PCDH15: variants seen among roughly 807,000 people sequenced by gnomAD.
PCDH15 encodes the protein protocadherin-15.
A neutral mutation model predicts 178.5 loss-of-function variants in PCDH15; 129 were observed. The observed-to-expected ratio is 0.72, with a 90% CI of 0.63 to 0.84. PCDH15 has a LOEUF of 0.84. Ranked by LOEUF, PCDH15 falls within the 40% of genes least tolerant of loss-of-function variation. The pLI, the probability that PCDH15 is intolerant of heterozygous loss-of-function variation, is 0.00. For missense variants in PCDH15, 2,230 were observed against 2,099.9 expected, an observed-to-expected ratio of 1.06 and a Z score of -1.21; for synonymous variants, 800 against 732.0, an observed-to-expected ratio of 1.09 and a Z score of -1.50.
chr10:54,592,300 C>CT (rs953065630), intron 2 of PCDH15, among the ~76,000 whole-genome samples: 1 of 151,626 alleles, frequency 6.6e-6, no homozygotes, highest in Non-Finnish European at 1.5e-5. Context: ...CTCCTGTCCC[C>CT]TCCCCTCCCT....
chr10:54,843,253 A>C (rs1041084485), intron 3 of PCDH15, among the ~76,000 whole-genome samples: 2 of 151,948 alleles, frequency 1.3e-5, no homozygotes, highest in African/African-American at 4.8e-5. Context: ...TGGCATGGAA[A>C]ATAATTGGCA....
intron 2 of PCDH15, among the ~76,000 whole-genome samples, chr10:55,439,494 A>G (rs1418393947): frequency 6.6e-6 from 1 of 152,126 alleles, no homozygotes; most frequent in Non-Finnish European, 1.5e-5. Flanking sequence ...ATGAGCAAAA[A>G]ATTAATGTAG....
chr10:53,907,854 G>A lies in PCDH15; in HGVS notation c.3374-4484C>T, dbSNP rs539427396. ...CATGGTAGAAGGAGTTCAGAAGAGTGATTTTAAATACCCATTAACCTCAAC... is the reference window on the plus strand; with the variant it reads ...CATGGTAGAAGGAGTTCAGAAGAGTAATTTTAAATACCCATTAACCTCAAC... On this transcript the variant is annotated intron_variant, in intron 25 of 37. Transcript: ENST00000644397. 4.4e-4 allele frequency among the ~76,000 whole-genome samples: 67 copies of A among 152,292 alleles called. 2 individuals are homozygous for A. In the Middle Eastern group the frequency reaches 0.01, roughly 23 times the overall value.
At chr10:55,103,879 A>T (rs1014908884) in intron 2 of PCDH15, among the ~76,000 whole-genome samples, 1 of 152,132 alleles carries the variant, frequency 6.6e-6, no homozygotes, top group Non-Finnish European at 1.5e-5. Context: ...ACAGTTGCTT[A>T]CTGACAAGGT....
At chr10:53,976,345 T>G (rs1258393724) in intron 21 of PCDH15, among the ~76,000 whole-genome samples, 1 of 152,108 alleles carries the variant, frequency 6.6e-6, no homozygotes, top group African/African-American at 2.4e-5. Flanking sequence ...TGTGAGAGTA[T>G]AAAAAATGAA....
At chr10:54,999,608 G>A (rs529320363) in intron 2 of PCDH15, among the ~76,000 whole-genome samples, 27 of 152,278 alleles carry the variant, frequency 1.8e-4, no homozygotes, top group South Asian at 8.3e-4. Context: ...CTGGTGCTGC[G>A]TGCTTCAGAG....
At chr10:53,814,097 G>A (rs1389290978) in intron 35 of PCDH15, among the ~76,000 whole-genome samples, 6 of 152,108 alleles carry the variant, frequency 3.9e-5, no homozygotes, top group Non-Finnish European at 1.5e-5. Flanking sequence ...AACGTTTCCT[G>A]GAGGTAAGCT....
intron 26 of PCDH15, among the ~76,000 whole-genome samples, chr10:53,902,377 C>T (rs188498601): frequency 1.6e-4 from 24 of 152,076 alleles, no homozygotes; most frequent in African/African-American, 5.1e-4. Context: ...AAAAGAAAGG[C>T]AATTACTCAT....
chr10:53,892,123 C>T (rs931060928), intron 26 of PCDH15, among the ~76,000 whole-genome samples: 98 of 143,334 alleles, frequency 6.8e-4, no homozygotes, highest in African/African-American at 2.4e-3. Flanking sequence ...CGCCTGGATT[C>T]AAGCAATTCT....
intron 1 of PCDH15, among the ~76,000 whole-genome samples, chr10:55,262,231 G>A (rs1842164487): frequency 6.9e-6 from 1 of 145,608 alleles, no homozygotes; most frequent in African/African-American, 2.5e-5. Flanking sequence ...AAGAAAGAAA[G>A]AAAGGAAAGG....
At chr10:54,226,257 G>A (rs1057380337) in intron 9 of PCDH15, among the ~76,000 whole-genome samples, 1 of 152,220 alleles carries the variant, frequency 6.6e-6, no homozygotes, top group Non-Finnish European at 1.5e-5. Flanking sequence ...CAGGCAAAGA[G>A]AGAGAGAGCT....
chr10:54,055,120 T>C (rs958157538), intron 18 of PCDH15, among the ~76,000 whole-genome samples: 1 of 152,206 alleles, frequency 6.6e-6, no homozygotes, highest in African/African-American at 2.4e-5. Flanking sequence ...ATTTTTTTAA[T>C]GACTGTATCA....
intron 25 of PCDH15, among the ~76,000 whole-genome samples, chr10:53,929,860 GATAATTATAATTTTACCATAAAGCAAA>G (rs2084892092): frequency 6.6e-6 from 1 of 152,090 alleles, no homozygotes; most frequent in South Asian, 2.1e-4. Context: ...CATGTTTAAA[GATAATTATAATTTTACCATAAAGCAAA>G]AATTGCCACT....
chr10:54,239,799 A>G (rs2055047597), intron 8 of PCDH15, among the ~76,000 whole-genome samples: 1 of 152,050 alleles, frequency 6.6e-6, no homozygotes, highest in East Asian at 1.9e-4. Context: ...TACAATATTT[A>G]TTTTTCCTTC....
chr10:54,567,992 A>G (rs2089286691), intron 2 of PCDH15, among the ~76,000 whole-genome samples: 1 of 152,198 alleles, frequency 6.6e-6, no homozygotes, highest in South Asian at 2.1e-4. Flanking sequence ...TATCTAACAC[A>G]TAAGTATACT....
At chr10:54,187,229 C>T (rs2048551280) in intron 11 of PCDH15, among the ~76,000 whole-genome samples, 2 of 151,942 alleles carry the variant, frequency 1.3e-5, no homozygotes, top group South Asian at 4.1e-4. Context: ...TTCTCTACTT[C>T]CTTTATACCT....
chr10:54,092,416 T>G (rs1230481880), intron 15 of PCDH15, among the ~76,000 whole-genome samples: 1 of 152,062 alleles, frequency 6.6e-6, no homozygotes, highest in Non-Finnish European at 1.5e-5. Context: ...TTCTTTGGGG[T>G]AAAGTCTATT....
At chr10:54,828,426 T>C (rs763561473) in intron 3 of PCDH15, among the ~76,000 whole-genome samples, 1 of 151,996 alleles carries the variant, frequency 6.6e-6, no homozygotes, top group Non-Finnish European at 1.5e-5. Flanking sequence ...GCCATAGACT[T>C]GACTTCTGCT....
intron 3 of PCDH15, among the ~76,000 whole-genome samples, chr10:54,892,883 C>A (rs936364820): frequency 1.3e-5 from 2 of 151,890 alleles, no homozygotes; most frequent in African/African-American, 4.8e-5. Flanking sequence ...CCTGCCACCA[C>A]ACCTATTTCT....
Sources: allele counts gnomAD v4.1 joint callset (sites outside exome capture counted in the v4.1 genomes callset), GRCh38; gene constraint gnomAD v4.1.1; transcripts MANE v1.5; gene names NCBI Gene and HGNC (gene_info 2026-07-23, HGNC 2026-07-21).